PVT1: variants seen among roughly 807,000 people sequenced by gnomAD.
PVT1 encodes Pvt1 oncogene, also known as CXCR4/PVT1 fusion.
intron 3 of PVT1, among the ~76,000 whole-genome samples, chr8:127,951,744 A>G (rs1004882325): frequency 6.6e-6 from 1 of 152,084 alleles, no homozygotes; most frequent in Non-Finnish European, 1.5e-5. Context: ...GCTGGGAATT[A>G]AGCCCAGGGT....
chr8:127,819,703 G>T (rs1814708674), intron 2 of PVT1, among the ~76,000 whole-genome samples: 1 of 152,148 alleles, frequency 6.6e-6, no homozygotes, highest in East Asian at 1.9e-4. Context: ...AGAGCAGTTG[G>T]GGATGCCTTG....
intron 3 of PVT1, among the ~76,000 whole-genome samples, chr8:127,980,134 G>C (rs1056548825): frequency 6.6e-6 from 1 of 152,014 alleles, no homozygotes; most frequent in Admixed American, 6.6e-5. Flanking sequence ...TTCCTGCCTC[G>C]ACCTCCTGAA....
At chr8:127,997,096 C>T (rs553247949) in intron 4 of PVT1, among the ~76,000 whole-genome samples, 1 of 129,666 alleles carries the variant, frequency 7.7e-6, no homozygotes, top group East Asian at 2.4e-4. Context: ...CTCTTGTTGC[C>T]TAGGGTGGAG....
At chr8:127,830,536 A>G (rs1454618378) in intron 2 of PVT1, among the ~76,000 whole-genome samples, 1 of 152,072 alleles carries the variant, frequency 6.6e-6, no homozygotes, top group Non-Finnish European at 1.5e-5. Flanking sequence ...TTGTGCCAAT[A>G]GGACTTGCAC....
chr8:127,973,274 C>T (rs1011154103), intron 3 of PVT1, among the ~76,000 whole-genome samples: 7 of 151,956 alleles, frequency 4.6e-5, no homozygotes, highest in Non-Finnish European at 8.8e-5. Flanking sequence ...ACCTGGGAGA[C>T]GAATCAATGA....
At chr8:127,928,856 T>A (rs1421605477) in intron 3 of PVT1, among the ~76,000 whole-genome samples, 1 of 152,214 alleles carries the variant, frequency 6.6e-6, no homozygotes, top group Non-Finnish European at 1.5e-5. Context: ...AGATGGGCTC[T>A]GGGCCACTCA....
At chr8:127,875,382 TC>T (rs1236984523) in intron 2 of PVT1, among the ~76,000 whole-genome samples, 2 of 148,348 alleles carry the variant, frequency 1.3e-5, no homozygotes, top group East Asian at 2.0e-4. Flanking sequence ...TCTCTCTCTC[TC>T]TTCTTTCTCC....
Position 127,909,558 on chromosome 8 carries a change from T to G in PVT1, n.782+18560T>G, listed in dbSNP as rs79023361. ...CAGTTGAAATAGTGCACACCGAATG[T>G]TTGGCATATGTGCGGAGCTCTTTGG... On this transcript the variant is annotated intron_variant and non_coding_transcript_variant, in intron 3 of 10. Coordinates refer to ENST00000651587, the Ensembl canonical transcript of PVT1. Among the ~76,000 whole-genome samples, 57 of 152,322 alleles carry G rather than the reference T, an allele frequency of 3.7e-4. 1 individual carries two copies. The East Asian group carries it at 0.01, about 27-fold the overall frequency.
chr8:127,818,400 A>G (rs1666619424), intron 2 of PVT1, among the ~76,000 whole-genome samples: 1 of 152,152 alleles, frequency 6.6e-6, no homozygotes, highest in Non-Finnish European at 1.5e-5. Context: ...CTGACATTCC[A>G]TCCACACTTG....
rs1388454546 is a variant in PVT1 at position 127,984,907 on chromosome 8, TTCTTTCTTTCTTTCTCTTTC to T, written n.783-4239_783-4220del. ...TTTCTTTCTTTCTTTCTTTCTTTCT[TTCTTTCTTTCTTTCTCTTTC>T]TCTTTCTTTCTTTCTTTCCCCTTCC... is the stretch of plus-strand genomic sequence containing the variant. On this transcript the variant is annotated intron_variant and non_coding_transcript_variant, in intron 3 of 10. Transcript: ENST00000651587. Among the ~76,000 whole-genome samples the T allele has an allele frequency of 3.2e-3, 280 of 87,354 alleles. 9 individuals are homozygous for T. The highest frequency in any genetic ancestry group is 0.01 in the African/African-American group (264 of 25,528). The allele number at this position is 87,354 out of a possible 152,430, so 57.3% of individuals were successfully genotyped here.
intron 4 of PVT1, among the ~76,000 whole-genome samples, chr8:128,015,097 T>C (rs1229441721): frequency 1.3e-5 from 2 of 151,110 alleles, no homozygotes; most frequent in Admixed American, 1.3e-4. Context: ...ATTTATTATT[T>C]ATTTATTTTT....
intron 4 of PVT1, chr8:127,996,766 A>T (rs1452073432): frequency 6.6e-6 from 1 of 152,260 alleles, no homozygotes; most frequent in East Asian, 1.9e-4. Context: ...GTGACTGGCC[A>T]TGGGGACAGG....
intron 6 of PVT1, among the ~76,000 whole-genome samples, chr8:128,097,170 G>A (rs2542414): frequency 0.2 from 31,086 of 152,078 alleles, 3,528 homozygotes; most frequent in East Asian, 0.4. Context: ...AGACCAGCCT[G>A]GCCAACATGG....
At chr8:127,836,900 T>A (rs1298690066) in intron 2 of PVT1, among the ~76,000 whole-genome samples, 1 of 151,414 alleles carries the variant, frequency 6.6e-6, no homozygotes, top group Non-Finnish European at 1.5e-5. Context: ...CTGCTCTCTG[T>A]TTTCAAACTC....
At position 127,898,996 on chromosome 8, in the gene PVT1, T is replaced by C. The variant is rs1395245382; in HGVS notation, n.782+7998T>C. ...GAACAGCTGTTGGTGGTCAGGTCTC[T>C]GAGTCACTCAGTAGCTTGGGACTGG... On this transcript the variant is annotated intron_variant and non_coding_transcript_variant, in intron 3 of 10. Transcript: ENST00000651587. This position sits in a 1 kb window ranked among gnomAD's most constrained non-coding sequence, Gnocchi z 4.4. Among the ~76,000 whole-genome samples the C allele has an allele frequency of 1.3e-5, 2 of 152,194 alleles. No homozygotes were observed. Among genetic ancestry groups the C allele is most frequent in the Non-Finnish European group, 2.9e-5 (2 of 68,036 alleles).
intron 4 of PVT1, among the ~76,000 whole-genome samples, chr8:128,029,016 T>C (rs1011814903): frequency 1.3e-4 from 19 of 151,910 alleles, no homozygotes; most frequent in African/African-American, 4.6e-4. Context: ...CTAATTTTTT[T>C]ATTTTTTATA....
intron 5 of PVT1, among the ~76,000 whole-genome samples, chr8:128,083,002 T>C (rs1814207004): frequency 6.6e-6 from 1 of 152,224 alleles, no homozygotes; most frequent in African/African-American, 2.4e-5. Flanking sequence ...CTAATAGATA[T>C]ACAGATTTCC....
intron 4 of PVT1, among the ~76,000 whole-genome samples, chr8:128,041,413 GT>G (rs60189425): frequency 6.7e-6 from 1 of 150,248 alleles, no homozygotes. Flanking sequence ...GTGCATGTGT[GT>G]TTGTGCTCGT....
At chr8:127,873,428 T>C (rs1563627017) in intron 2 of PVT1, among the ~76,000 whole-genome samples, 1 of 152,312 alleles carries the variant, frequency 6.6e-6, no homozygotes, top group South Asian at 2.1e-4. Flanking sequence ...TTCAGGAGCA[T>C]TCTTGGCTGC....
Sources: allele counts gnomAD v4.1 joint callset (sites outside exome capture counted in the v4.1 genomes callset), GRCh38; gene constraint gnomAD v4.1.1; non-coding constraint Gnocchi (gnomAD v3.1); transcripts MANE v1.5; gene names NCBI Gene and HGNC (gene_info 2026-07-23, HGNC 2026-07-21).